SLC8A1: variants seen among roughly 807,000 people sequenced by gnomAD.
SLC8A1 encodes solute carrier family 8 member A1, also known as sodium/calcium exchanger 1.
In SLC8A1, 18 loss-of-function variants were observed where a neutral mutation model predicts 68.3. The observed-to-expected ratio is 0.26, with a 90% CI of 0.18 to 0.39. The LOEUF is 0.39. SLC8A1 is among the 10% of genes least tolerant of loss of function. The probability of loss-of-function intolerance (pLI) is 1.00; values close to 1 mark genes in which losing one functional copy is unlikely to be tolerated. For missense variants in SLC8A1, 985 were observed against 1,156.7 expected (o/e 0.85, Z 2.15); for synonymous variants, 475 against 415.5 (o/e 1.14, Z -1.74).
chr2:40,124,097 G>T (rs1472031079), intron 7 of SLC8A1, among the ~76,000 whole-genome samples: 1 of 152,156 alleles, frequency 6.6e-6, no homozygotes, highest in Non-Finnish European at 1.5e-5. Flanking sequence ...ACATAGGTTC[G>T]CCTGTCTTGC....
At chr2:40,318,730 G>A (rs1051892858) in intron 2 of SLC8A1, among the ~76,000 whole-genome samples, 3 of 152,020 alleles carry the variant, frequency 2.0e-5, no homozygotes, top group African/African-American at 4.8e-5. Flanking sequence ...CAATTGATGA[G>A]GAAAGTATAT....
At chr2:40,459,020 T>C (rs1365163589) in intron 1 of SLC8A1, among the ~76,000 whole-genome samples, 1 of 152,186 alleles carries the variant, frequency 6.6e-6, no homozygotes, top group Non-Finnish European at 1.5e-5. Context: ...CATTTCTTTA[T>C]GGATTTTTTC....
At chr2:40,236,750 T>G (rs1208074632) in intron 2 of SLC8A1, among the ~76,000 whole-genome samples, 2 of 152,108 alleles carry the variant, frequency 1.3e-5, no homozygotes, top group Middle Eastern at 3.2e-3. Flanking sequence ...GGTTGTTCCT[T>G]CCCATGTTTA....
chr2:40,279,490 G>A (rs1347114185), intron 2 of SLC8A1, among the ~76,000 whole-genome samples: 1 of 152,110 alleles, frequency 6.6e-6, no homozygotes, highest in South Asian at 2.1e-4. Flanking sequence ...TCAATTTGGG[G>A]CACTGTGACA....
At chr2:40,508,303 C>T (rs932810494) in intron 1 of SLC8A1, among the ~76,000 whole-genome samples, 2 of 150,298 alleles carry the variant, frequency 1.3e-5, no homozygotes, top group Non-Finnish European at 3.0e-5. Flanking sequence ...GGTATGATTT[C>T]ATTTTTAAAA....
At chr2:40,212,635 A>C (rs2056813073) in intron 2 of SLC8A1, among the ~76,000 whole-genome samples, 1 of 152,168 alleles carries the variant, frequency 6.6e-6, no homozygotes, top group African/African-American at 2.4e-5. Flanking sequence ...CTTCAGATCT[A>C]TAAATCTGCT....
intron 2 of SLC8A1, among the ~76,000 whole-genome samples, chr2:40,271,647 G>A (rs546499688): frequency 1.8e-4 from 28 of 152,274 alleles, no homozygotes; most frequent in Non-Finnish European, 4.0e-4. Context: ...CTCCCTGGGA[G>A]CCAAGAACAG....
At chr2:40,161,360 G>A (rs2045650225) in intron 5 of SLC8A1, among the ~76,000 whole-genome samples, 1 of 152,168 alleles carries the variant, frequency 6.6e-6, no homozygotes, top group African/African-American at 2.4e-5. Flanking sequence ...CCTGCTGCAT[G>A]GTCATCAATA....
intron 2 of SLC8A1, among the ~76,000 whole-genome samples, chr2:40,336,697 T>G (rs1317931661): frequency 6.6e-6 from 1 of 152,210 alleles, no homozygotes; most frequent in African/African-American, 2.4e-5. Flanking sequence ...AATACAGGCA[T>G]GAACCTCTGT....
At chr2:40,354,030 T>G (rs1671934292) in intron 2 of SLC8A1, among the ~76,000 whole-genome samples, 1 of 152,210 alleles carries the variant, frequency 6.6e-6, no homozygotes, top group African/African-American at 2.4e-5. Flanking sequence ...TTTATTCTTG[T>G]GCAGATGTTT....
At chr2:40,213,680 A>AT (rs34028448) in intron 2 of SLC8A1, among the ~76,000 whole-genome samples, 3 of 152,020 alleles carry the variant, frequency 2.0e-5, no homozygotes, top group African/African-American at 7.2e-5. Flanking sequence ...CATCTCAAAT[A>AT]TTTTTTCAAA....
At position 40,422,627 on chromosome 2, in the gene SLC8A1, C is replaced by G. The variant is rs145362208; in HGVS notation, c.1808+5846G>C. On this transcript the variant is annotated intron_variant, in intron 2 of 7. Transcript: ENST00000406785. ...AATAACTCTTGAGAAAATGATGTGA[C>G]AATAGCTAATTGTCAATGGCTAAGG... Among the ~76,000 whole-genome samples, 787 of 152,214 alleles carry G rather than the reference C, an allele frequency of 5.2e-3. 8 individuals carry two copies. Among genetic ancestry groups the G allele is most frequent in the African/African-American group, 0.018 (737 of 41,534 alleles).
At chr2:40,234,917 T>C (rs201740914) in intron 2 of SLC8A1, among the ~76,000 whole-genome samples, 24,300 of 152,048 alleles carry the variant, frequency 0.16, 2,551 homozygotes, top group African/African-American at 0.28. Context: ...GATTTGCGTA[T>C]ATTGAACCAG....
At chr2:40,444,771 C>T (rs768200233) in intron 1 of SLC8A1, among the ~76,000 whole-genome samples, 3 of 152,146 alleles carry the variant, frequency 2.0e-5, no homozygotes, top group East Asian at 3.9e-4. Context: ...GGAACACAGC[C>T]GTGCCCATTC....
At chr2:40,367,961 A>G (rs1026774236) in intron 2 of SLC8A1, among the ~76,000 whole-genome samples, 4 of 152,050 alleles carry the variant, frequency 2.6e-5, no homozygotes, top group African/African-American at 9.7e-5. Flanking sequence ...TCAGTCCTTC[A>G]TATTTCTCCC....
At chr2:40,164,831 G>A (rs2046283326) in intron 5 of SLC8A1, 23 bp downstream of exon 8, 6 of 1,612,646 alleles carry the variant, frequency 3.7e-6, no homozygotes, top group Non-Finnish European at 5.1e-6. Flanking sequence ...CTGGCTCCTG[G>A]TGGGCAGTGT....
chr2:40,348,289 G>C (rs932562403), intron 2 of SLC8A1, among the ~76,000 whole-genome samples: 20 of 152,046 alleles, frequency 1.3e-4, no homozygotes, highest in Non-Finnish European at 2.2e-4. Flanking sequence ...CAAAATGAGG[G>C]GTTGGCTTAG....
chr2:40,145,088 A>G (rs138619754), intron 6 of SLC8A1, among the ~76,000 whole-genome samples: 1 of 152,102 alleles, frequency 6.6e-6, no homozygotes, highest in Non-Finnish European at 1.5e-5. Context: ...ACCCCTGCCC[A>G]TAGTAAGATG....
chr2:40,334,678 G>T (rs1665363713), intron 2 of SLC8A1, among the ~76,000 whole-genome samples: 1 of 152,108 alleles, frequency 6.6e-6, no homozygotes, highest in Non-Finnish European at 1.5e-5. Flanking sequence ...AATAACCAAA[G>T]TTGAGGGTTA....
Sources: allele counts gnomAD v4.1 joint callset (sites outside exome capture counted in the v4.1 genomes callset), GRCh38; gene constraint gnomAD v4.1.1; transcripts MANE v1.5; gene names NCBI Gene and HGNC (gene_info 2026-07-23, HGNC 2026-07-21).